Variants in ACOT4 observed in about 807,000 individuals in gnomAD.
ACOT4 encodes peroxisomal succinyl-coenzyme A thioesterase.
A neutral mutation model predicts 17.1 loss-of-function variants in ACOT4; 18 were observed. The observed-to-expected ratio is 1.05, with a 90% CI of 0.73 to 1.56. ACOT4 has a LOEUF of 1.56. ACOT4 is among the 40% of genes most tolerant of loss of function. ACOT4 has a pLI of 0.00. For missense variants in ACOT4, 574 were observed against 557.2 expected, an observed-to-expected ratio of 1.03 and a Z score of -0.30; for synonymous variants, 234 against 236.6, an observed-to-expected ratio of 0.99 and a Z score of 0.10.
In ACOT4 at chr14:73,592,107, G is replaced by C; in HGVS notation, c.148G>C (p.Ala50Pro). Residue 50 changes from alanine (A) to proline (P), a missense_variant, in exon 1 of 3, where the codon GCG becomes CCG. Transcript: ENST00000326303. ...DEKGALFRAH[A>P]RYCADARGEL... ...GAAGGGCGCGCTCTTCCGGGCCCAC[G>C]CGCGCTACTGCGCCGACGCCCGCGG... is the stretch of plus-strand genomic sequence containing the variant. 3.3e-6 allele frequency: 5 copies of C among 1,504,230 alleles called. No homozygotes were observed. Among genetic ancestry groups the C allele is most frequent in the Non-Finnish European group, 4.4e-6 (5 of 1,129,980 alleles). The allele number at this position is 1,504,230 out of a possible 1,614,324, so 93.2% of individuals were successfully genotyped here.
Position 73,592,401 on chromosome 14 carries a change from C to G in ACOT4, c.442C>G (p.Leu148Val). 6.5e-7 allele frequency: 1 copy of G among 1,532,952 alleles called. No individual in the cohort carries two copies. The highest frequency in any genetic ancestry group is 8.7e-7 in the Non-Finnish European group (1 of 1,145,640). The allele number at this position is 1,532,952 out of a possible 1,614,324, so 95.0% of individuals were successfully genotyped here. A position where few individuals can be genotyped will look rare whatever the true frequency, so the allele number is the denominator to read the frequency against. The change falls in exon 1 of 3, where the codon CTC (leucine) becomes GTC (valine). Residue 148 changes from leucine (L) to valine (V), a missense_variant. Coordinates refer to ENST00000326303, the MANE Select transcript of ACOT4 (RefSeq NM_152331.4). ...SVRAGRVRAT[L>V]FLPPGPGPFP... The stretch of plus-strand genomic sequence containing the variant: ...GCGAGCGGGCCGGGTGCGCGCCACG[C>G]TCTTCCTGCCGCCAGGTGAGCCAGG...
rs770841972 is a variant in ACOT4 at position 73,595,438 on chromosome 14, C to T, written c.1050C>T (p.Pro350=). 6.2e-7 allele frequency: 1 copy of T among 1,614,196 alleles called. No individual in the cohort carries two copies. Among genetic ancestry groups the T allele is most frequent in the Admixed American group, 1.7e-5 (1 of 60,024 alleles). The stretch of plus-strand genomic sequence containing the variant: ...TACAGGCCCATGGAAAGGAAAAACC[C>T]CAGATCATCTGTTACCCTGGGACTG... ...ERLQAHGKEK[P]QIICYPGTGH... is the part of the protein sequence containing the mutation. The change falls in exon 3 of 3, where the codon CCC becomes CCT. Residue 350 remains proline (P), a synonymous_variant. Coordinates refer to ENST00000326303, the MANE Select transcript of ACOT4 (RefSeq NM_152331.4).
intron 2 of ACOT4, among the ~76,000 whole-genome samples, chr14:73,594,157 ATCTACTG>A (rs1359554583): frequency 6.6e-6 from 1 of 152,158 alleles, no homozygotes; most frequent in Non-Finnish European, 1.5e-5. Flanking sequence ...TGAATTTCTA[ATCTACTG>A]TCTTTGCATG....
Position 73,595,056 on chromosome 14 carries a change from G to C in ACOT4, c.668G>C (p.Gly223Ala), listed in dbSNP as rs1890222374. 1 of 1,613,334 alleles carries C rather than the reference G, an allele frequency of 6.2e-7. No homozygotes were observed. Among genetic ancestry groups the C allele is most frequent in the African/African-American group, 1.3e-5 (1 of 74,876 alleles). Reference sequence around the variant, plus strand: ...TCTCTTCTTTTCTTCCAGGTAAAAGGCCCAGGCATTGGGCTTTTGGGCATT... The same window carrying C: ...TCTCTTCTTTTCTTCCAGGTAAAAGCCCCAGGCATTGGGCTTTTGGGCATT... ...CYMLQHPQVK[G>A]PGIGLLGISL... Residue 223 changes from glycine to alanine, a missense_variant, in exon 3 of 3, where the codon GGC (glycine) becomes GCC (alanine). Transcript: ENST00000326303.
Position 73,592,169 on chromosome 14 carries a change from C to G in ACOT4, c.210C>G (p.Gly70=), listed in dbSNP as rs551601637. 8 of 1,603,456 alleles carry G rather than the reference C, an allele frequency of 5.0e-6. No homozygotes were observed. The East Asian group carries it at 1.8e-4, about 36-fold the overall frequency. The change falls in exon 1 of 3, where the codon GGC becomes GGG. Residue 70 remains glycine (G), a synonymous_variant. Transcript: ENST00000326303. ...TGGAGCGCGCACCCGCGCTGGGCGGCAGCTTCGCGGGACTCGAGCCCATGG... is the reference window on the plus strand; with the variant it reads ...TGGAGCGCGCACCCGCGCTGGGCGGGAGCTTCGCGGGACTCGAGCCCATGG... ...LDLERAPALG[G]SFAGLEPMGL... is the part of the protein sequence containing the mutation.
In ACOT4 at chr14:73,592,339, G is replaced by T. The variant is rs751182202; in HGVS notation, c.380G>T (p.Arg127Leu). Residue 127 changes from arginine (R) to leucine (L), a missense_variant, in exon 1 of 3, where the codon CGC (arginine) becomes CTC (leucine). Arg to Leu is a moderately radical substitution (Grantham distance 102). Transcript: ENST00000326303. ...GRLLCQAQHE[R>L]HFLPPGVRRQ... ...CTGCTGTGCCAGGCGCAGCACGAGCGCCACTTCCTCCCGCCAGGGGTGCGG... is the reference window on the plus strand; with the variant it reads ...CTGCTGTGCCAGGCGCAGCACGAGCTCCACTTCCTCCCGCCAGGGGTGCGG... 6 of 1,602,178 alleles carry T rather than the reference G, an allele frequency of 3.7e-6. No homozygotes were observed. Among genetic ancestry groups the T allele is most frequent in the Non-Finnish European group, 5.1e-6 (6 of 1,175,286 alleles).
rs938551422 is a variant in ACOT4 at position 73,594,895 on chromosome 14, G to C, written c.661-154G>C. Among the ~76,000 whole-genome samples the C allele has an allele frequency of 2.0e-5, 3 of 152,126 alleles. No individual in the cohort carries two copies. The East Asian group carries it at 5.8e-4, about 29-fold the overall frequency. On this transcript the variant is annotated intron_variant, in intron 2 of 2. Coordinates refer to ENST00000326303, the MANE Select transcript of ACOT4 (RefSeq NM_152331.4). ...TTTTTTTGTATTTTTAATAGAGACAGGGTTCTGCCATGTTGGCCAGGCTGG... is the reference window on the plus strand; with the variant it reads ...TTTTTTTGTATTTTTAATAGAGACACGGTTCTGCCATGTTGGCCAGGCTGG...
chr14:73,593,495 C>T (rs1240957767), intron 1 of ACOT4, among the ~76,000 whole-genome samples: 2 of 150,466 alleles, frequency 1.3e-5, no homozygotes, highest in African/African-American at 4.9e-5. Flanking sequence ...TACACCACCA[C>T]ACTGACTAAT....
Position 73,593,807 on chromosome 14 carries a change from T to TTC in ACOT4, c.563_564insTC (p.Ala189GlnfsTer34). Reference sequence around the variant, plus strand: ...GGCCATGGCTTTGCCACGTTGGCTCTAGCTTATTATAACTTTGAAGATCTC... The same window carrying TTC: ...GGCCATGGCTTTGCCACGTTGGCTCTTCAGCTTATTATAACTTTGAAGATCTC... On this transcript the variant is annotated frameshift_variant, in exon 2 of 3. Coordinates refer to ENST00000326303, the MANE Select transcript of ACOT4 (RefSeq NM_152331.4). LOFTEE classifies it high-confidence loss of function. 6.2e-7 allele frequency: 1 copy of TTC among 1,613,808 alleles called. No homozygotes were observed. Among genetic ancestry groups the TTC allele is most frequent in the South Asian group, 1.1e-5 (1 of 91,086 alleles).
At chr14:73,593,314 A>G (rs1203993867) in intron 1 of ACOT4, among the ~76,000 whole-genome samples, 2 of 149,518 alleles carry the variant, frequency 1.3e-5, no homozygotes, top group East Asian at 2.0e-4. Context: ...TTTTGTTTCA[A>G]TCTTTTTTCT....
intron 1 of ACOT4, among the ~76,000 whole-genome samples, chr14:73,592,954 G>A (rs1372886900): frequency 1.3e-5 from 2 of 152,208 alleles, no homozygotes; most frequent in Admixed American, 1.3e-4. Flanking sequence ...AATGAAGTTG[G>A]TATTGTTATT....
In ACOT4 at chr14:73,595,034, CTT is replaced by C; in HGVS notation, c.661-14_661-13del. 2 of 1,611,876 alleles carry C rather than the reference CTT, an allele frequency of 1.2e-6. No individual in the cohort carries two copies. Among genetic ancestry groups the C allele is most frequent in the East Asian group, 2.2e-5 (1 of 44,870 alleles). On this transcript the variant is annotated splice_polypyrimidine_tract_variant and intron_variant, in intron 2 of 2. Coordinates refer to ENST00000326303, the MANE Select transcript of ACOT4 (RefSeq NM_152331.4). ...TAAGTTATTGACTCAACTCTCCTCT[CTT>C]CTTTTCTTCCAGGTAAAAGGCCCAG... is the stretch of plus-strand genomic sequence containing the variant.
chr14:73,595,070 C>T lies in ACOT4; in HGVS notation c.682C>T (p.Leu228Phe), dbSNP rs1890222800. 1.2e-6 allele frequency: 2 copies of T among 1,613,978 alleles called. No individual in the cohort carries two copies. Among genetic ancestry groups the T allele is most frequent in the Non-Finnish European group, 1.7e-6 (2 of 1,180,018 alleles). ...CCAGGTAAAAGGCCCAGGCATTGGG[C>T]TTTTGGGCATTTCTCTAGGAGCTGA... ...HPQVKGPGIG[L>F]LGISLGADIC... The change falls in exon 3 of 3, where the codon CTT becomes TTT. Residue 228 changes from leucine to phenylalanine, a missense_variant. Leu to Phe is a conservative substitution (Grantham distance 22, BLOSUM62 0). Coordinates refer to ENST00000326303, the MANE Select transcript of ACOT4 (RefSeq NM_152331.4).
rs181471112 is a variant in ACOT4, at chr14:73,594,198, T to C, written c.660+294T>C. On this transcript the variant is annotated intron_variant, in intron 2 of 2. Coordinates refer to ENST00000326303, the MANE Select transcript of ACOT4 (RefSeq NM_152331.4). ...TGCTTGTTTTTAAATTTTAATTTCC[T>C]GGTGTCAGAGTATGTTCTCAGATTT... is the stretch of plus-strand genomic sequence containing the variant. 8.7e-4 allele frequency among the ~76,000 whole-genome samples: 132 copies of C among 152,362 alleles called. 1 individual carries two copies. Among genetic ancestry groups the C allele is most frequent in the Admixed American group, 3.0e-3 (46 of 15,302 alleles).
At position 73,592,358 on chromosome 14, in the gene ACOT4, G is replaced by C. The variant is rs1435304295; in HGVS notation, c.399G>C (p.Gly133=). 2 of 1,588,630 alleles carry C rather than the reference G, an allele frequency of 1.3e-6. No homozygotes were observed. The change falls in exon 1 of 3, where the codon GGG becomes GGC. Residue 133 remains glycine (G), a synonymous_variant. Coordinates refer to ENST00000326303, the MANE Select transcript of ACOT4 (RefSeq NM_152331.4). ...ACGAGCGCCACTTCCTCCCGCCAGG[G>C]GTGCGGCGCCAGTCGGTGCGAGCGG... ...AQHERHFLPP[G]VRRQSVRAGR...
chr14:73,593,906 T>G lies in ACOT4; in HGVS notation c.660+2T>G. 2 of 1,609,182 alleles carry G rather than the reference T, an allele frequency of 1.2e-6. No homozygotes were observed. The highest frequency in any genetic ancestry group is 1.7e-6 in the Non-Finnish European group (2 of 1,176,758). On this transcript the variant is annotated splice_donor_variant, in intron 2 of 2. Coordinates refer to ENST00000326303, the MANE Select transcript of ACOT4 (RefSeq NM_152331.4). LOFTEE classifies it high-confidence loss of function. Reference sequence around the variant, plus strand: ...TGCTACATGCTTCAACATCCCCAGGTTCTCCTCATGTCCTTTATTTAATCA... The same window carrying G: ...TGCTACATGCTTCAACATCCCCAGGGTCTCCTCATGTCCTTTATTTAATCA...
At chr14:73,594,959 C>T in intron 2 of ACOT4, 90 bp from the exon 3 acceptor site, 3 of 1,497,284 alleles carry the variant, frequency 2.0e-6, no homozygotes, top group Non-Finnish European at 2.7e-6. Flanking sequence ...CCCGCCTCCG[C>T]CTCGCAGAGT....
Position 73,595,631 on chromosome 14 carries a change from A to G in ACOT4, c.1243A>G (p.Lys415Glu). The G allele has an allele frequency of 6.6e-7, 1 of 1,526,044 alleles. No individual in the cohort carries two copies. The highest frequency in any genetic ancestry group is 1.3e-5 in the South Asian group (1 of 76,706). 94.5% of individuals were successfully genotyped at this position (1,526,044 alleles called of 1,614,324 possible). A position where few individuals can be genotyped will look rare whatever the true frequency, so the allele number is the denominator to read the frequency against. The change falls in exon 3 of 3, where the codon AAA (lysine) becomes GAA (glutamate). Residue 415 changes from lysine (K) to glutamate (E), a missense_variant. Physicochemically the swap from Lys to Glu is moderately conservative, Grantham distance 56. Coordinates refer to ENST00000326303, the MANE Select transcript of ACOT4 (RefSeq NM_152331.4). ...FFCKHLGGTQ[K>E]TAVPKL ...CTGCAAACACCTGGGAGGTACCCAG[A>G]AAACAGCTGTCCCTAAATTGTAATG...
rs1345232606 is a variant in ACOT4 at position 73,595,504 on chromosome 14, T to C, written c.1116T>C (p.Ala372=). Reference sequence around the variant, plus strand: ...CTCCTTACTTCCCCCTGTGCCCAGCTTCCCTTCACAGATTACTGAACAAAC... The same window carrying C: ...CTCCTTACTTCCCCCTGTGCCCAGCCTCCCTTCACAGATTACTGAACAAAC... ...IEPPYFPLCP[A]SLHRLLNKHV... is the part of the protein sequence containing the mutation. Residue 372 remains alanine, a synonymous_variant, in exon 3 of 3, where the codon GCT becomes GCC. Coordinates refer to ENST00000326303, the MANE Select transcript of ACOT4 (RefSeq NM_152331.4). The C allele has an allele frequency of 6.2e-7, 1 of 1,613,786 alleles. No homozygotes were observed. Among genetic ancestry groups the C allele is most frequent in the Admixed American group, 1.7e-5 (1 of 60,002 alleles).
Sources: allele counts gnomAD v4.1 joint callset (sites outside exome capture counted in the v4.1 genomes callset), GRCh38; gene constraint gnomAD v4.1.1; transcripts MANE v1.5; gene names NCBI Gene and HGNC (gene_info 2026-07-23, HGNC 2026-07-21).